The following LRFN5 variants were observed in gnomAD, a reference collection of about 807,000 sequenced individuals.
LRFN5 encodes leucine rich repeat and fibronectin type III domain containing 5.
A neutral mutation model predicts 45.6 loss-of-function variants in LRFN5; 24 were observed. That is an observed-to-expected ratio of 0.53 (90% confidence interval 0.38 to 0.74). The LOEUF is 0.74. Ranked by LOEUF, LRFN5 falls within the 30% of genes least tolerant of loss-of-function variation. The pLI is 0.00. For synonymous variants in LRFN5, 340 were observed against 313.8 expected (o/e 1.08, Z -0.88); for missense variants, 776 against 861.5 (o/e 0.90, Z 1.24).
At position 41,871,560 on chromosome 14, in the gene LRFN5, T is replaced by A. The variant is rs549532267; in HGVS notation, c.-20-15046T>A. Among the ~76,000 whole-genome samples the A allele has an allele frequency of 3.1e-4, 47 of 149,734 alleles. 2 individuals are homozygous for A. The South Asian group carries it at 9.5e-3, about 30-fold the overall frequency. ...GCTGAGATTTCACCATTGCACTCCATCCTAGGCAACAAGAGCAAAAATCTG... is the reference window on the plus strand; with the variant it reads ...GCTGAGATTTCACCATTGCACTCCAACCTAGGCAACAAGAGCAAAAATCTG... On this transcript the variant is annotated intron_variant, in intron 2 of 5. Coordinates refer to ENST00000298119, the MANE Select transcript of LRFN5 (RefSeq NM_152447.5).
At chr14:41,794,390 A>C (rs926555205) in intron 2 of LRFN5, among the ~76,000 whole-genome samples, 6 of 152,054 alleles carry the variant, frequency 3.9e-5, no homozygotes, top group African/African-American at 7.2e-5. Context: ...TTAAAAATTA[A>C]GTTCAAATAT....
At chr14:41,653,378 A>G (rs962162535) in intron 1 of LRFN5, among the ~76,000 whole-genome samples, 6 of 152,152 alleles carry the variant, frequency 3.9e-5, no homozygotes, top group East Asian at 1.9e-4. Context: ...TTTTCTGCAT[A>G]TGGCTAGCCA....
At chr14:41,720,995 C>T (rs564609516) in intron 1 of LRFN5, among the ~76,000 whole-genome samples, 13 of 152,046 alleles carry the variant, frequency 8.6e-5, no homozygotes, top group Non-Finnish European at 1.9e-4. Flanking sequence ...AATTCTCCTA[C>T]TATCATTCTG....
intron 2 of LRFN5, among the ~76,000 whole-genome samples, chr14:41,844,222 G>A (rs1888969890): frequency 6.6e-6 from 1 of 152,144 alleles, no homozygotes; most frequent in East Asian, 1.9e-4. Flanking sequence ...CGGATCACGA[G>A]GTCAGGAGAT....
chr14:41,685,400 A>G (rs1423990339), intron 1 of LRFN5, among the ~76,000 whole-genome samples: 2 of 152,246 alleles, frequency 1.3e-5, no homozygotes, highest in African/African-American at 2.4e-5. Context: ...AGAAACCCAC[A>G]TGCCTATTAC....
intron 2 of LRFN5, among the ~76,000 whole-genome samples, chr14:41,864,639 G>A (rs191166369): frequency 6.6e-6 from 1 of 152,236 alleles, no homozygotes; most frequent in Non-Finnish European, 1.5e-5. Context: ...GAGGTACTGG[G>A]AGTTTAGGAC....
intron 2 of LRFN5, among the ~76,000 whole-genome samples, chr14:41,817,415 A>G (rs1334316632): frequency 6.6e-6 from 1 of 152,148 alleles, no homozygotes; most frequent in African/African-American, 2.4e-5. Flanking sequence ...CATGGTGGCA[A>G]TGGATAGGAG....
chr14:41,754,503 T>C (rs1425261241), intron 1 of LRFN5, among the ~76,000 whole-genome samples: 1 of 152,150 alleles, frequency 6.6e-6, no homozygotes, highest in Admixed American at 6.5e-5. Context: ...GGAGGGTTTA[T>C]GCATCGAGGA....
intron 1 of LRFN5, among the ~76,000 whole-genome samples, chr14:41,733,142 G>A (rs1179543042): frequency 1.3e-5 from 2 of 151,844 alleles, no homozygotes; most frequent in Admixed American, 6.6e-5. Context: ...GAGTTAGAAA[G>A]GAGCAGAGAG....
At chr14:41,652,397 G>C (rs1880171146) in intron 1 of LRFN5, among the ~76,000 whole-genome samples, 2 of 152,054 alleles carry the variant, frequency 1.3e-5, no homozygotes, top group African/African-American at 4.8e-5. Flanking sequence ...ATTGTAGAGT[G>C]GGCTAGGCGC....
chr14:41,904,145 T>A lies in LRFN5; in HGVS notation c.2143-13T>A, dbSNP rs755042568. 3 of 1,595,840 alleles carry A rather than the reference T, an allele frequency of 1.9e-6. No homozygotes were observed. Among genetic ancestry groups the A allele is most frequent in the East Asian group, 2.2e-5 (1 of 44,730 alleles). On this transcript the variant is annotated splice_polypyrimidine_tract_variant and intron_variant, in intron 5 of 5. Transcript: ENST00000298119. ...TCTTTCTTTTTTTCCTTTTTCTTTT[T>A]CTTTCATTTCAGAGGCTGGAGTTAA... is the stretch of plus-strand genomic sequence containing the variant.
intron 1 of LRFN5, among the ~76,000 whole-genome samples, chr14:41,744,710 T>C (rs1362674914): frequency 6.6e-6 from 1 of 152,122 alleles, no homozygotes; most frequent in Non-Finnish European, 1.5e-5. Context: ...ATATATTTCA[T>C]GTAAATATTA....
intron 1 of LRFN5, among the ~76,000 whole-genome samples, chr14:41,715,450 A>C (rs535570520): frequency 6.6e-6 from 1 of 152,304 alleles, no homozygotes; most frequent in East Asian, 1.9e-4. Flanking sequence ...TGTTCTTTTT[A>C]AACCTCTTCC....
chr14:41,629,572 T>G (rs2138575894), intron 1 of LRFN5, among the ~76,000 whole-genome samples: 1 of 152,342 alleles, frequency 6.6e-6, no homozygotes, highest in African/African-American at 2.4e-5. Context: ...GATAACTAAA[T>G]TGTTTGTAGT....
At chr14:41,746,244 GGAAAAAATACAC>G (rs1884913570) in intron 1 of LRFN5, among the ~76,000 whole-genome samples, 1 of 151,764 alleles carries the variant, frequency 6.6e-6, no homozygotes, top group African/African-American at 2.4e-5. Flanking sequence ...ACAGAATGAA[GGAAAAAATACAC>G]GATTATCTCA....
rs140655852 is a variant in LRFN5, at chr14:41,631,980, C to T, written c.-197+23418C>T. Among the ~76,000 whole-genome samples the T allele has an allele frequency of 5.2e-3, 795 of 152,222 alleles. 7 individuals carry two copies. Among genetic ancestry groups the T allele is most frequent in the African/African-American group, 0.017 (721 of 41,536 alleles). On this transcript the variant is annotated intron_variant, in intron 1 of 5. Transcript: ENST00000298119. ...ATGGCTTATATTATAAAGGATTGCT[C>T]TGGCTGCTGCCCTTGAATAGACTCT... is the stretch of plus-strand genomic sequence containing the variant.
intron 2 of LRFN5, among the ~76,000 whole-genome samples, chr14:41,787,307 CT>C (rs1322337231): frequency 6.6e-6 from 1 of 152,062 alleles, no homozygotes; most frequent in Non-Finnish European, 1.5e-5. Flanking sequence ...TCTCTCTGAA[CT>C]TTATCATTGT....
At chr14:41,804,094 C>T (rs928290915) in intron 2 of LRFN5, among the ~76,000 whole-genome samples, 1 of 152,104 alleles carries the variant, frequency 6.6e-6, no homozygotes, top group African/African-American at 2.4e-5. Context: ...GAACTCCTGA[C>T]CTCAAGTGAT....
At chr14:41,785,664 T>C (rs1886692998) in intron 2 of LRFN5, among the ~76,000 whole-genome samples, 1 of 152,116 alleles carries the variant, frequency 6.6e-6, no homozygotes, top group Non-Finnish European at 1.5e-5. Flanking sequence ...CATCGTAATA[T>C]ATAATGAAAT....
Sources: allele counts gnomAD v4.1 joint callset (sites outside exome capture counted in the v4.1 genomes callset), GRCh38; gene constraint gnomAD v4.1.1; transcripts MANE v1.5; gene names NCBI Gene and HGNC (gene_info 2026-07-23, HGNC 2026-07-21).